Variants in DMD observed in about 807,000 individuals in gnomAD.
The protein encoded by DMD is mutant dystrophin.
DMD carries 63 observed loss-of-function variants against 330.1 expected under a neutral mutation model. The observed-to-expected ratio is 0.19, with a 90% CI of 0.16 to 0.24. The LOEUF is 0.24. DMD is among the 10% of genes least tolerant of loss of function. The pLI, the probability that DMD is intolerant of heterozygous loss-of-function variation, is 1.00. For missense variants in DMD, 3,344 were observed against 2,684.1 expected, an observed-to-expected ratio of 1.25 and a Z score of -5.43; for synonymous variants, 1,223 against 959.8, an observed-to-expected ratio of 1.27 and a Z score of -5.07.
intron 9 of DMD, among the ~76,000 whole-genome samples, chrX:32,693,957 C>A (rs775558652): frequency 8.9e-6 from 1 of 112,004 alleles, no homozygotes; most frequent in African/African-American, 3.2e-5. Flanking sequence ...AGTAATTCCA[C>A]TGTAGTAACT....
In DMD at chrX:32,785,541, G is replaced by C. The variant is rs1337046740; in HGVS notation, c.649+23952C>G. 1.2e-4 allele frequency among the ~76,000 whole-genome samples: 13 copies of C among 111,139 alleles called. No individual in the cohort carries two copies. In the South Asian group the frequency reaches 2.2e-3, roughly 19 times the overall value. On this transcript the variant is annotated intron_variant, in intron 7 of 78. Coordinates refer to ENST00000357033, the MANE Select transcript of DMD (RefSeq NM_004006.3). ...GGAGTATTATCATTTCTATTATAATGATTTTGCTTAAAATGTACATTTCTG... is the reference window on the plus strand; with the variant it reads ...GGAGTATTATCATTTCTATTATAATCATTTTGCTTAAAATGTACATTTCTG...
chrX:32,242,545 G>A (rs920270258), intron 43 of DMD, among the ~76,000 whole-genome samples: 6 of 111,312 alleles, frequency 5.4e-5, no homozygotes, highest in Non-Finnish European at 1.1e-4. Flanking sequence ...AGCACTAGAA[G>A]GGAAATGGCA....
chrX:31,133,310 G>A (rs761394738), intron 77 of DMD, among the ~76,000 whole-genome samples: 3 of 111,176 alleles, frequency 2.7e-5, no homozygotes, highest in South Asian at 3.8e-4. Flanking sequence ...CTTTTTATTC[G>A]TTGAAGGAAG....
At chrX:32,426,366 A>G (rs1306584320) in intron 29 of DMD, among the ~76,000 whole-genome samples, 1 of 112,226 alleles carries the variant, frequency 8.9e-6, no homozygotes, top group African/African-American at 3.2e-5. Context: ...GTGGCCAACA[A>G]TATGAAAAAA....
chrX:32,617,283 T>C (rs2057657282), intron 11 of DMD, among the ~76,000 whole-genome samples: 1 of 111,538 alleles, frequency 9.0e-6, no homozygotes, highest in Admixed American at 9.5e-5. Flanking sequence ...TGGAAGGATG[T>C]TTTTTATTTC....
At chrX:32,519,997 C>T (rs763065137) in intron 17 of DMD, among the ~76,000 whole-genome samples, 3 of 111,584 alleles carry the variant, frequency 2.7e-5, no homozygotes, top group Non-Finnish European at 5.6e-5. Context: ...AGAAACTTGA[C>T]GGTTCATAGC....
intron 20 of DMD, 42 bp from the exon 21 acceptor site, chrX:32,485,141 G>C (rs1200833943): frequency 8.6e-7 from 1 of 1,158,585 alleles, no homozygotes; most frequent in Non-Finnish European, 1.2e-6. Flanking sequence ...CGTTTACTTT[G>C]CATACATTAC....
chrX:32,254,463 G>A (rs2097290544), intron 43 of DMD, among the ~76,000 whole-genome samples: 1 of 112,244 alleles, frequency 8.9e-6, no homozygotes, highest in Admixed American at 9.5e-5. Context: ...TGCTAGTTAT[G>A]CTTACTGGGT....
intron 12 of DMD, among the ~76,000 whole-genome samples, chrX:32,596,197 G>T (rs1032350147): frequency 1.8e-5 from 2 of 108,612 alleles, no homozygotes; most frequent in Admixed American, 9.9e-5. Context: ...GCATTTTCAG[G>T]CTCTTCTTCT....
At chrX:32,709,622 G>C (rs776545024) in intron 7 of DMD, among the ~76,000 whole-genome samples, 1 of 110,604 alleles carries the variant, frequency 9.0e-6, no homozygotes, top group Non-Finnish European at 1.9e-5. Context: ...TACACCTCTT[G>C]ATCTTCATAT....
intron 42 of DMD, among the ~76,000 whole-genome samples, chrX:32,300,175 A>C (rs895012011): frequency 1.8e-5 from 2 of 112,050 alleles, no homozygotes; most frequent in East Asian, 2.8e-4. Context: ...GAACTTGCTT[A>C]TGAAAATCCA....
At chrX:31,375,469 G>A (rs757024926) in intron 60 of DMD, among the ~76,000 whole-genome samples, 63 of 111,231 alleles carry the variant, frequency 5.7e-4, no homozygotes, top group South Asian at 3.8e-4. Context: ...CTGTGAAAGG[G>A]AAAAAAGGTA....
At chrX:32,053,381 G>A (rs1367935700) in intron 44 of DMD, among the ~76,000 whole-genome samples, 1 of 110,020 alleles carries the variant, frequency 9.1e-6, no homozygotes, top group Non-Finnish European at 1.9e-5. Flanking sequence ...TTATCATTTG[G>A]TCCTGTAGTA....
chrX:32,175,000 G>A (rs1338368735), intron 44 of DMD, among the ~76,000 whole-genome samples: 1 of 111,918 alleles, frequency 8.9e-6, no homozygotes, highest in Non-Finnish European at 1.9e-5. Context: ...ATGGAGAGTT[G>A]AAGGTTGCAT....
intron 16 of DMD, among the ~76,000 whole-genome samples, chrX:32,553,461 C>T (rs2049818144): frequency 9.0e-6 from 1 of 110,611 alleles, no homozygotes; most frequent in Admixed American, 9.7e-5. Context: ...TTATTGGGTA[C>T]TATGCTTATT....
intron 2 of DMD, among the ~76,000 whole-genome samples, chrX:32,870,980 A>AAAAG (rs1557104334): frequency 3.0e-4 from 11 of 37,208 alleles, no homozygotes; most frequent in African/African-American, 3.8e-4. Flanking sequence ...AAAAAAAAAA[A>AAAAG]AAAAAAAACC....
At chrX:32,437,313 C>A (rs180964408) in intron 29 of DMD, among the ~76,000 whole-genome samples, 66 of 111,808 alleles carry the variant, frequency 5.9e-4, no homozygotes, top group Middle Eastern at 9.2e-3. Flanking sequence ...TCTGCCCTAC[C>A]CTCACATACT....
At chrX:32,612,621 T>C (rs759182614) in intron 12 of DMD, among the ~76,000 whole-genome samples, 2 of 110,971 alleles carry the variant, frequency 1.8e-5, no homozygotes, top group Non-Finnish European at 1.9e-5. Flanking sequence ...AGGGCAGATA[T>C]AGTGTCAACG....
intron 67 of DMD, among the ~76,000 whole-genome samples, chrX:31,191,145 A>G (rs959654724): frequency 5.4e-5 from 6 of 111,847 alleles, no homozygotes; most frequent in African/African-American, 2.0e-4. Context: ...ATCATGGCAG[A>G]TAATTATCCC....
Sources: gnomAD v4.1 joint callset for allele counts (sites outside exome capture counted in the v4.1 genomes callset) on GRCh38, gnomAD v4.1.1 for gene constraint, MANE v1.5 for transcripts, NCBI Gene and HGNC (gene_info 2026-07-23, HGNC 2026-07-21) for gene names.